The following GNB5 variants were observed in gnomAD, a reference collection of about 807,000 sequenced individuals.
GNB5 encodes the protein G protein subunit beta 5.
GNB5 carries 37 observed loss-of-function variants against 55.3 expected under a neutral mutation model. That is an observed-to-expected ratio of 0.67 (90% CI 0.51 to 0.88). The LOEUF is 0.88. GNB5 is among the 40% of genes least tolerant of loss of function. The pLI, the probability that GNB5 is intolerant of heterozygous loss-of-function variation, is 0.00. For synonymous variants in GNB5, 219 were observed against 198.5 expected, an observed-to-expected ratio of 1.10 and a Z score of -0.87; for missense variants, 476 against 515.3, an observed-to-expected ratio of 0.92 and a Z score of 0.74.
intron 3 of GNB5, among the ~76,000 whole-genome samples, chr15:52,168,741 A>G (rs1238870462): frequency 6.6e-6 from 1 of 152,218 alleles, no homozygotes; most frequent in African/African-American, 2.4e-5. Flanking sequence ...TACAGTAACC[A>G]AAACAGCTGG....
In GNB5 at chr15:52,115,168, C is replaced by G. The variant is rs1457381290; in HGVS notation, c.*7589G>C. The G allele has an allele frequency of 6.6e-6, 1 of 152,186 alleles. No homozygotes were observed. Among genetic ancestry groups the G allele is most frequent in the Non-Finnish European group, 1.5e-5 (1 of 68,024 alleles). The allele number at this position is 152,186 out of a possible 1,614,324, so 9.4% of individuals were successfully genotyped here. A position where few individuals can be genotyped will look rare whatever the true frequency, so the allele number is the denominator to read the frequency against. On this transcript the variant is annotated 3_prime_UTR_variant, in exon 13 of 13. Transcript: ENST00000261837. Reference sequence around the variant, plus strand: ...TACCTTTTTGTACATTAAACTTTAGCAGCAAGAACATTGTTTTCTCTTAGA... The same window carrying G: ...TACCTTTTTGTACATTAAACTTTAGGAGCAAGAACATTGTTTTCTCTTAGA...
intron 10 of GNB5, among the ~76,000 whole-genome samples, chr15:52,127,886 A>C (rs1329073011): frequency 1.3e-5 from 2 of 152,144 alleles, no homozygotes; most frequent in Non-Finnish European, 1.5e-5. Context: ...ATAACATGGA[A>C]TACTACTCAA....
chr15:52,135,792 G>A (rs752421184), intron 7 of GNB5, 36 bp from the exon 8 acceptor site: 4 of 1,605,374 alleles, frequency 2.5e-6, no homozygotes, highest in Non-Finnish European at 3.4e-6. Flanking sequence ...GGGTGGTTGT[G>A]GTTATTGCTT....
At position 52,118,556 on chromosome 15, in the gene GNB5, T is replaced by C. The variant is rs578079436; in HGVS notation, c.*4201A>G. ...GATACAATCCACAATGAGCAAGTTATTTGGGGTCCTCAATAACTTTTAAGG... is the reference window on the plus strand; with the variant it reads ...GATACAATCCACAATGAGCAAGTTACTTGGGGTCCTCAATAACTTTTAAGG... On this transcript the variant is annotated 3_prime_UTR_variant, in exon 13 of 13. Transcript: ENST00000261837. 8 of 152,186 alleles carry C rather than the reference T, an allele frequency of 5.3e-5. No homozygotes were observed. Among genetic ancestry groups the C allele is most frequent in the African/African-American group, 1.9e-4 (8 of 41,532 alleles). 9.4% of individuals were successfully genotyped at this position (152,186 alleles called of 1,614,324 possible).
intron 11 of GNB5, 21 bp from the exon 12 acceptor site, chr15:52,124,660 T>C (rs377155062): frequency 5.0e-6 from 8 of 1,608,436 alleles, no homozygotes; most frequent in South Asian, 1.1e-5. Flanking sequence ...GGTGAGATGA[T>C]AGCTGTTAAG....
At chr15:52,164,846 T>C (rs754193961) in intron 3 of GNB5, among the ~76,000 whole-genome samples, 1 of 151,938 alleles carries the variant, frequency 6.6e-6, no homozygotes, top group Non-Finnish European at 1.5e-5. Flanking sequence ...GGCACAGAAC[T>C]GGGTTGAGGC....
chr15:52,124,830 G>A (rs1566931419), intron 11 of GNB5, 191 bp from the exon 12 acceptor site: 1 of 565,600 alleles, frequency 1.8e-6, no homozygotes, highest in South Asian at 2.2e-5. Context: ...GGGGCTGAAA[G>A]GAACAGATCA....
rs1472186934 is a variant in GNB5 at position 52,122,723 on chromosome 15, C to T, written c.*34G>A. ...TATTTACATGTGAAGATTTCAAATT[C>T]TCAGGTATACATGAGTGCACTGTCA... On this transcript the variant is annotated 3_prime_UTR_variant, in exon 13 of 13. Transcript: ENST00000261837. The T allele has an allele frequency of 6.5e-7, 1 of 1,537,236 alleles. No individual in the cohort carries two copies. The highest frequency in any genetic ancestry group is 1.1e-5 in the South Asian group (1 of 89,576).
chr15:52,169,295 G>A (rs1472311460), intron 3 of GNB5, among the ~76,000 whole-genome samples: 1 of 152,016 alleles, frequency 6.6e-6, no homozygotes, highest in Non-Finnish European at 1.5e-5. Flanking sequence ...ACTCCAGCCT[G>A]GGTGACTGAG....
intron 7 of GNB5, among the ~76,000 whole-genome samples, chr15:52,136,332 C>G (rs923567921): frequency 6.6e-6 from 1 of 152,198 alleles, no homozygotes; most frequent in African/African-American, 2.4e-5. Flanking sequence ...CTACAGGGCT[C>G]TACACATGCC....
intron 3 of GNB5, among the ~76,000 whole-genome samples, chr15:52,170,263 G>A (rs539086126): frequency 6.6e-6 from 1 of 152,066 alleles, no homozygotes; most frequent in Non-Finnish European, 1.5e-5. Flanking sequence ...ATACATGCAC[G>A]AATGTTCATT....
At chr15:52,188,034 C>T (rs1191952361) in intron 1 of GNB5, among the ~76,000 whole-genome samples, 1 of 152,002 alleles carries the variant, frequency 6.6e-6, no homozygotes, top group East Asian at 1.9e-4. Context: ...CCCACATGCC[C>T]TACACCAACA....
chr15:52,149,964 T>C, intron 4 of GNB5, 39 bp from the exon 5 acceptor site: 1 of 1,464,968 alleles, frequency 6.8e-7, no homozygotes, highest in Non-Finnish European at 9.6e-7. Context: ...GGTTGTCAAG[T>C]TCTTACAGAT....
intron 2 of GNB5, chr15:52,180,624 G>A (rs2141241004): frequency 6.6e-6 from 1 of 152,278 alleles, no homozygotes; most frequent in East Asian, 1.9e-4. Context: ...TCAGACCTGG[G>A]GCTTCTGAGC....
chr15:52,174,750 C>T (rs80217033), intron 3 of GNB5, among the ~76,000 whole-genome samples: 1,547 of 152,258 alleles, frequency 0.01, 30 homozygotes, highest in African/African-American at 0.036. Context: ...TTGCCTAGGG[C>T]CGCAGGGTCT....
intron 9 of GNB5, among the ~76,000 whole-genome samples, chr15:52,129,044 C>T (rs577597588): frequency 2.4e-4 from 37 of 151,906 alleles, no homozygotes; most frequent in Middle Eastern, 3.4e-3. Context: ...CAACCTCCAC[C>T]TCCTAGGTTC....
chr15:52,152,625 G>A (rs1324971705), intron 4 of GNB5, among the ~76,000 whole-genome samples: 3 of 145,694 alleles, frequency 2.1e-5, no homozygotes, highest in Admixed American at 1.4e-4. Context: ...ATGCCTGGCT[G>A]AATATCTCTC....
intron 4 of GNB5, among the ~76,000 whole-genome samples, chr15:52,150,711 T>C (rs572657728): frequency 6.3e-4 from 96 of 152,268 alleles, no homozygotes; most frequent in African/African-American, 2.2e-3. Flanking sequence ...TGGGTGTGGG[T>C]TGTGACTACA....
chr15:52,140,937 A>T (rs183121606), intron 7 of GNB5, among the ~76,000 whole-genome samples: 1,442 of 142,932 alleles, frequency 0.01, 23 homozygotes, highest in African/African-American at 0.042. Flanking sequence ...TTTTATCTCA[A>T]CACTACCAAC....
Sources: gnomAD v4.1 joint callset for allele counts (sites outside exome capture counted in the v4.1 genomes callset) on GRCh38, gnomAD v4.1.1 for gene constraint, MANE v1.5 for transcripts, NCBI Gene and HGNC (gene_info 2026-07-23, HGNC 2026-07-21) for gene names.